TENM2: variants seen among roughly 807,000 people sequenced by gnomAD.
TENM2 encodes teneurin transmembrane protein 2.
A neutral mutation model predicts 245.2 loss-of-function variants in TENM2; 52 were observed. The observed-to-expected ratio is 0.21, with a 90% CI of 0.17 to 0.27. TENM2 has a LOEUF of 0.27. Ranked by LOEUF, TENM2 falls within the 10% of genes least tolerant of loss-of-function variation. The pLI is 1.00. For missense variants in TENM2, 3,046 were observed against 3,666.8 expected, an observed-to-expected ratio of 0.83 and a Z score of 4.37; for synonymous variants, 1,363 against 1,438.9, an observed-to-expected ratio of 0.95 and a Z score of 1.19.
intron 2 of TENM2, among the ~76,000 whole-genome samples, chr5:167,768,736 G>T (rs1487451246): frequency 6.6e-6 from 1 of 152,160 alleles, no homozygotes; most frequent in Non-Finnish European, 1.5e-5. Context: ...GGGAACATTA[G>T]CCATGCCTTT....
intron 1 of TENM2, among the ~76,000 whole-genome samples, chr5:167,312,445 T>A (rs189015001): frequency 6.6e-6 from 1 of 152,092 alleles, no homozygotes; most frequent in African/African-American, 2.4e-5. Context: ...TGCATCATAG[T>A]CCAAAGCAGA....
At chr5:167,680,031 C>T (rs1260841339) in intron 2 of TENM2, among the ~76,000 whole-genome samples, 1 of 152,052 alleles carries the variant, frequency 6.6e-6, no homozygotes, top group Non-Finnish European at 1.5e-5. Flanking sequence ...TTGTTAACTC[C>T]TTACCCTGTG....
At chr5:167,106,955 C>A in the TENM2 span, among the ~76,000 whole-genome samples, 1 of 151,906 alleles carries the variant, frequency 6.6e-6, no homozygotes, top group Non-Finnish European at 1.5e-5. Context: ...AGAAAAAAGA[C>A]AATAAAGAGC....
At chr5:167,193,803 G>A in the TENM2 span, among the ~76,000 whole-genome samples, 1 of 152,016 alleles carries the variant, frequency 6.6e-6, no homozygotes, top group Non-Finnish European at 1.5e-5. Context: ...TGCTTACTGT[G>A]TTCAAAGTGC....
intron 2 of TENM2, among the ~76,000 whole-genome samples, chr5:167,795,840 C>A (rs1168893748): frequency 6.6e-6 from 1 of 152,098 alleles, no homozygotes; most frequent in Non-Finnish European, 1.5e-5. Context: ...ATTTTCAAAA[C>A]GTTGAGAAGA....
chr5:167,180,980 T>C, the TENM2 span, among the ~76,000 whole-genome samples: 1 of 151,382 alleles, frequency 6.6e-6, no homozygotes, highest in East Asian at 2.0e-4. Context: ...CCAAAAACAA[T>C]CCACATGTAA....
intron 5 of TENM2, among the ~76,000 whole-genome samples, chr5:168,026,735 A>G (rs1177090082): frequency 2.0e-5 from 3 of 152,180 alleles, no homozygotes; most frequent in Non-Finnish European, 4.4e-5. Flanking sequence ...AGGGGAGGTT[A>G]TAAAGACTAA....
At chr5:167,981,250 A>G (rs1192768919) in intron 4 of TENM2, among the ~76,000 whole-genome samples, 2 of 152,126 alleles carry the variant, frequency 1.3e-5, no homozygotes, top group Non-Finnish European at 1.5e-5. Context: ...ACTTCCTCAC[A>G]CATGGTCTTC....
intron 2 of TENM2, among the ~76,000 whole-genome samples, chr5:167,840,919 CTT>C (rs1447447596): frequency 1.3e-5 from 2 of 152,324 alleles, no homozygotes; most frequent in African/African-American, 4.8e-5. Flanking sequence ...GCCAGTGACT[CTT>C]AATGCTGCTG....
At chr5:167,872,461 CGAAAGAAA>C (rs763636004) in intron 2 of TENM2, among the ~76,000 whole-genome samples, 9 of 99,898 alleles carry the variant, frequency 9.0e-5, no homozygotes, top group African/African-American at 3.2e-4. Flanking sequence ...AAAGAAAGCA[CGAAAGAAA>C]GAAAGAAAGA....
chr5:168,111,100 C>T (rs899662310), intron 9 of TENM2, among the ~76,000 whole-genome samples: 3 of 152,208 alleles, frequency 2.0e-5, no homozygotes, highest in African/African-American at 4.8e-5. Flanking sequence ...AAATTCACCC[C>T]GGATTAATTA....
chr5:167,725,563 T>C (rs1759942201), intron 2 of TENM2, among the ~76,000 whole-genome samples: 1 of 152,178 alleles, frequency 6.6e-6, no homozygotes, highest in African/African-American at 2.4e-5. Context: ...CATTTACTTA[T>C]TTTCATCCTC....
In TENM2 at chr5:168,218,142, A is replaced by G. The variant is rs777978657; in HGVS notation, c.4251A>G (p.Pro1417=). The change falls in exon 23 of 29, where the codon CCA becomes CCG. Residue 1417 remains proline, a synonymous_variant. Coordinates refer to ENST00000518659, the Ensembl canonical transcript of TENM2. This position sits in a 1 kb window ranked among gnomAD's most constrained non-coding sequence, Gnocchi z 5.2. ...ATCCACAGGTTCGTCTGGAGTGGCC[A>G]ACAGACCTTGCTGTCAATCCCATGG... 1 of 1,613,110 alleles carries G rather than the reference A, an allele frequency of 6.2e-7. No individual in the cohort carries two copies. Among genetic ancestry groups the G allele is most frequent in the Non-Finnish European group, 8.5e-7 (1 of 1,179,226 alleles).
At chr5:168,046,047 A>G (rs1788577026) in intron 5 of TENM2, among the ~76,000 whole-genome samples, 1 of 152,194 alleles carries the variant, frequency 6.6e-6, no homozygotes. Context: ...TGGTTCTAAG[A>G]TGGAGAAGAG....
chr5:167,873,905 A>G (rs1419943238), intron 2 of TENM2, among the ~76,000 whole-genome samples: 1 of 152,136 alleles, frequency 6.6e-6, no homozygotes, highest in Non-Finnish European at 1.5e-5. Flanking sequence ...CTCCATTTCT[A>G]TTCTGTTACT....
chr5:167,177,124 A>C, the TENM2 span, among the ~76,000 whole-genome samples: 2 of 152,326 alleles, frequency 1.3e-5, no homozygotes, highest in African/African-American at 4.8e-5. Flanking sequence ...GTTGAGACAA[A>C]GGGGAAATGA....
At chr5:167,834,927 G>A (rs931082112) in intron 2 of TENM2, among the ~76,000 whole-genome samples, 3 of 152,208 alleles carry the variant, frequency 2.0e-5, no homozygotes, top group African/African-American at 7.2e-5. Flanking sequence ...TGGGATTACA[G>A]GCATGAGCCA....
At chr5:168,062,901 G>A (rs1010339699) in intron 7 of TENM2, among the ~76,000 whole-genome samples, 3 of 152,176 alleles carry the variant, frequency 2.0e-5, no homozygotes, top group African/African-American at 7.2e-5. Context: ...TTTTTGGGGG[G>A]TAGTGATAGT....
intron 13 of TENM2, 73 bp from the exon 16 acceptor site, chr5:168,190,264 A>G (rs1760833785): frequency 8.3e-7 from 1 of 1,201,714 alleles, no homozygotes; most frequent in African/African-American, 1.5e-5. Context: ...TGCTGGTAAC[A>G]AAGGTGTTAG....
Sources: allele counts gnomAD v4.1 joint callset (sites outside exome capture counted in the v4.1 genomes callset), GRCh38; gene constraint gnomAD v4.1.1; non-coding constraint Gnocchi (gnomAD v3.1); transcripts MANE v1.5; gene names NCBI Gene and HGNC (gene_info 2026-07-23, HGNC 2026-07-21).